ATP2B2: variants seen among roughly 807,000 people sequenced by gnomAD.
The protein encoded by ATP2B2 is plasma membrane calcium-transporting ATPase 2.
ATP2B2 carries 15 observed loss-of-function variants against 120.0 expected under a neutral mutation model. The ratio of observed to expected loss-of-function variants is 0.12; its 90% CI spans 0.08 to 0.19. The LOEUF (loss-of-function observed/expected upper bound fraction) is 0.19. Ranked by LOEUF, ATP2B2 falls within the 10% of genes least tolerant of loss-of-function variation. The probability of loss-of-function intolerance (pLI) is 1.00; values close to 1 mark genes in which losing one functional copy is unlikely to be tolerated. For synonymous variants in ATP2B2, 694 were observed against 700.3 expected, an observed-to-expected ratio of 0.99 and a Z score of 0.14; for missense variants, 1,045 against 1,719.8, an observed-to-expected ratio of 0.61 and a Z score of 6.94.
At chr3:10,655,702 A>C (rs111297923) in intron 1 of ATP2B2, among the ~76,000 whole-genome samples, 287 of 152,192 alleles carry the variant, frequency 1.9e-3, no homozygotes, top group African/African-American at 4.8e-3. Flanking sequence ...CCACCTTCCC[A>C]CTTAACCATT....
chr3:10,697,974 G>A (rs1362373573), intron 1 of ATP2B2, among the ~76,000 whole-genome samples: 1 of 152,222 alleles, frequency 6.6e-6, no homozygotes, highest in African/African-American at 2.4e-5. Flanking sequence ...TGGGAGGCAG[G>A]AGAGTCAGCG....
intron 1 of ATP2B2, among the ~76,000 whole-genome samples, chr3:10,500,971 C>T (rs2125404521): frequency 6.6e-6 from 1 of 152,330 alleles, no homozygotes; most frequent in South Asian, 2.1e-4. Flanking sequence ...AAGGGGAGAG[C>T]TTGGGACCAG....
intron 1 of ATP2B2, among the ~76,000 whole-genome samples, chr3:10,658,769 A>G (rs1361900011): frequency 6.6e-6 from 1 of 151,444 alleles, no homozygotes; most frequent in Non-Finnish European, 1.5e-5. Flanking sequence ...CCTCGAGAAG[A>G]GCAACTCCAA....
chr3:10,684,804 G>C (rs1270435438), intron 1 of ATP2B2, among the ~76,000 whole-genome samples: 3 of 152,208 alleles, frequency 2.0e-5, no homozygotes, highest in African/African-American at 7.2e-5. Flanking sequence ...TAAGTCTATG[G>C]CAACAAGTTC....
At chr3:10,529,479 T>C (rs1273355730) in intron 3 of ATP2B2, among the ~76,000 whole-genome samples, 1 of 152,174 alleles carries the variant, frequency 6.6e-6, no homozygotes, top group Non-Finnish European at 1.5e-5. Context: ...CAGTCTCAGA[T>C]TGGAGTTTAA....
At chr3:10,362,568 G>A (rs1331367700) in intron 12 of ATP2B2, among the ~76,000 whole-genome samples, 1 of 152,246 alleles carries the variant, frequency 6.6e-6, no homozygotes, top group African/African-American at 2.4e-5. Context: ...CCTTAAAGTG[G>A]ATGTGGTGAG....
In ATP2B2 at chr3:10,377,543, CG is replaced by C. The variant is rs2061414839; in HGVS notation, c.1201+708del. On this transcript the variant is annotated intron_variant, in intron 10 of 22. Coordinates refer to ENST00000360273, the MANE Select transcript of ATP2B2 (RefSeq NM_001001331.4). Reference sequence around the variant, plus strand: ...GGAAGCCTAGGCCGTGCCAGAGGGTCGGGGGCTCACTTTGCAGCTGGGCCAG... The same window carrying C: ...GGAAGCCTAGGCCGTGCCAGAGGGTCGGGGCTCACTTTGCAGCTGGGCCAG... 2.0e-5 allele frequency among the ~76,000 whole-genome samples: 3 copies of C among 152,216 alleles called. No homozygotes were observed. In the South Asian group the frequency reaches 6.2e-4, roughly 32 times the overall value.
At chr3:10,406,998 T>C (rs1489194729) in intron 3 of ATP2B2, among the ~76,000 whole-genome samples, 1 of 152,224 alleles carries the variant, frequency 6.6e-6, no homozygotes, top group African/African-American at 2.4e-5. Context: ...GCTGCCACCA[T>C]GTTGTATTTC....
At chr3:10,458,990 C>T (rs1007113803) in intron 1 of ATP2B2, among the ~76,000 whole-genome samples, 1 of 152,240 alleles carries the variant, frequency 6.6e-6, no homozygotes, top group African/African-American at 2.4e-5. Context: ...TAGCCCCACC[C>T]TCAAGGATCC....
chr3:10,532,282 C>A (rs917463908), intron 3 of ATP2B2, among the ~76,000 whole-genome samples: 1 of 152,172 alleles, frequency 6.6e-6, no homozygotes, highest in Admixed American at 6.5e-5. Flanking sequence ...AAAAGTATAA[C>A]AATGACCGCA....
intron 2 of ATP2B2, among the ~76,000 whole-genome samples, chr3:10,421,289 G>A (rs1003262065): frequency 3.3e-5 from 5 of 152,190 alleles, no homozygotes; most frequent in Admixed American, 6.5e-5. Context: ...GGTGGTGACA[G>A]AGCCTGCACT....
chr3:10,656,619 T>G (rs1192994520), intron 1 of ATP2B2, among the ~76,000 whole-genome samples: 1 of 152,186 alleles, frequency 6.6e-6, no homozygotes, highest in Non-Finnish European at 1.5e-5. Context: ...CTAAAGGCAC[T>G]TGGGATGAGG....
chr3:10,632,423 C>T (rs946995735), intron 1 of ATP2B2, among the ~76,000 whole-genome samples: 2 of 152,160 alleles, frequency 1.3e-5, no homozygotes, highest in Non-Finnish European at 2.9e-5. Context: ...GGGGCCTTTA[C>T]GTGTTACAGT....
rs549377622 is a variant in ATP2B2 at position 10,327,610 on chromosome 3, A to G, written c.*1204T>C. On this transcript the variant is annotated 3_prime_UTR_variant, in exon 23 of 23. Transcript: ENST00000360273. ...CCTCAATCTCTGTACAGACAGTGCC[A>G]AAGAGAACCTATTTTTGAAATGCTC... 1 of 152,822 alleles carries G rather than the reference A, an allele frequency of 6.5e-6. No homozygotes were observed. The highest frequency in any genetic ancestry group is 2.1e-4 in the South Asian group (1 of 4,834). The allele number at this position is 152,822 out of a possible 1,614,324, so 9.5% of individuals were successfully genotyped here. A position where few individuals can be genotyped will look rare whatever the true frequency, so the allele number is the denominator to read the frequency against.
chr3:10,409,188 A>C (rs2062521361), intron 3 of ATP2B2, among the ~76,000 whole-genome samples: 1 of 152,162 alleles, frequency 6.6e-6, no homozygotes, highest in South Asian at 2.1e-4. Flanking sequence ...CTTCTTTCAT[A>C]TTTGGTATAA....
At chr3:10,378,985 T>C (rs2061455100) in intron 9 of ATP2B2, among the ~76,000 whole-genome samples, 1 of 152,172 alleles carries the variant, frequency 6.6e-6, no homozygotes, top group African/African-American at 2.4e-5. Context: ...GATCTCAAAG[T>C]CTTCAGCTGA....
chr3:10,593,396 C>T (rs745414543), intron 2 of ATP2B2, among the ~76,000 whole-genome samples: 2 of 152,176 alleles, frequency 1.3e-5, no homozygotes, highest in Non-Finnish European at 2.9e-5. Context: ...TCCATGCTCT[C>T]ATTACCAATA....
chr3:10,667,844 C>T (rs1473690791), intron 1 of ATP2B2, among the ~76,000 whole-genome samples: 2 of 152,234 alleles, frequency 1.3e-5, no homozygotes, highest in African/African-American at 2.4e-5. Flanking sequence ...GGACTCTCTC[C>T]AGTCTTCTGG....
intron 2 of ATP2B2, among the ~76,000 whole-genome samples, chr3:10,560,030 C>T (rs575817283): frequency 1.3e-5 from 2 of 152,214 alleles, no homozygotes; most frequent in Non-Finnish European, 2.9e-5. Context: ...GATCACAGTG[C>T]ATTTCACTCT....
Sources: allele counts gnomAD v4.1 joint callset (sites outside exome capture counted in the v4.1 genomes callset), GRCh38; gene constraint gnomAD v4.1.1; transcripts MANE v1.5; gene names NCBI Gene and HGNC (gene_info 2026-07-23, HGNC 2026-07-21).